Variants in DOT1L observed in about 807,000 individuals in gnomAD.
The protein encoded by DOT1L is histone-lysine N-methyltransferase, H3 lysine-79 specific.
Under a neutral mutation model 153.3 loss-of-function variants are expected in DOT1L, and 33 were observed. The observed-to-expected ratio is 0.22, with a 90% CI of 0.16 to 0.29. DOT1L has a LOEUF of 0.29. Ranked by LOEUF, DOT1L falls within the 10% of genes least tolerant of loss-of-function variation. The pLI, the probability that DOT1L is intolerant of heterozygous loss-of-function variation, is 1.00. For synonymous variants in DOT1L, 1,135 were observed against 965.1 expected (o/e 1.18, Z -3.26); for missense variants, 1,847 against 2,119.9 (o/e 0.87, Z 2.53).
At chr19:2,170,946 C>T (rs571016528) in intron 1 of DOT1L, among the ~76,000 whole-genome samples, 1 of 152,244 alleles carries the variant, frequency 6.6e-6, no homozygotes, top group South Asian at 2.1e-4. Context: ...CTCCCAGAAC[C>T]TGTCCTTTAG....
intron 1 of DOT1L, among the ~76,000 whole-genome samples, chr19:2,167,034 A>T (rs753712583): frequency 6.6e-6 from 1 of 151,874 alleles, no homozygotes; most frequent in African/African-American, 2.4e-5. Context: ...AAGTTACCCC[A>T]TTTTTTTGCT....
At chr19:2,175,144 G>A (rs935081189) in intron 1 of DOT1L, among the ~76,000 whole-genome samples, 23 of 151,746 alleles carry the variant, frequency 1.5e-4, no homozygotes, top group African/African-American at 4.4e-4. Flanking sequence ...GACTACAGGC[G>A]CCCACCACCA....
intron 27 of DOT1L, chr19:2,228,320 G>C (rs756530534): frequency 8.9e-6 from 12 of 1,340,976 alleles, no homozygotes; most frequent in East Asian, 4.6e-5. Context: ...CCTATGCCGC[G>C]CACCTTTCGG....
intron 25 of DOT1L, 101 bp from the exon 26 acceptor site, chr19:2,225,287 T>A: frequency 8.3e-7 from 1 of 1,205,406 alleles, no homozygotes; most frequent in Non-Finnish European, 1.2e-6. Flanking sequence ...TGCTTCTCGT[T>A]CACCACCTCC....
chr19:2,169,781 TATTA>T (rs2020058113), intron 1 of DOT1L, among the ~76,000 whole-genome samples: 1 of 152,208 alleles, frequency 6.6e-6, no homozygotes, highest in African/African-American at 2.4e-5. Flanking sequence ...GCTCCACTTA[TATTA>T]ATTTTGCTCC....
intron 1 of DOT1L, among the ~76,000 whole-genome samples, chr19:2,176,928 G>A (rs2021967811): frequency 6.6e-6 from 1 of 152,178 alleles, no homozygotes; most frequent in South Asian, 2.1e-4. Context: ...CAGTGAGCAG[G>A]AGGAAAGGGG....
intron 1 of DOT1L, among the ~76,000 whole-genome samples, chr19:2,179,913 C>A (rs1396220379): frequency 6.6e-6 from 1 of 152,122 alleles, no homozygotes; most frequent in Non-Finnish European, 1.5e-5. Context: ...AGCACAGTAG[C>A]ACGCAGACGC....
rs755852805 is a variant in DOT1L at position 2,220,211 on chromosome 19, T to C, written c.2795T>C (p.Leu932Pro). ...AHGAGSRSLALAPAGFSYAGS... is the reference protein window; with the variant it reads ...AHGAGSRSLAPAPAGFSYAGS... Reference sequence around the variant, plus strand: ...GGTGCTGGGAGCAGAAGCCTTGCCCTGGCCCCCGCAGGTAACGCCCCTCCT... The same window carrying C: ...GGTGCTGGGAGCAGAAGCCTTGCCCCGGCCCCCGCAGGTAACGCCCCTCCT... Residue 932 changes from leucine (L) to proline (P), a missense_variant, in exon 23 of 28, where the codon CTG (leucine) becomes CCG (proline). Coordinates refer to ENST00000398665, the MANE Select transcript of DOT1L (RefSeq NM_032482.3). The surrounding 1 kb of genome is among the most constrained non-coding windows in gnomAD (Gnocchi z 4.5). 1.9e-6 allele frequency: 3 copies of C among 1,613,264 alleles called. No individual in the cohort carries two copies. Among genetic ancestry groups the C allele is most frequent in the East Asian group, 4.5e-5 (2 of 44,870 alleles).
chr19:2,184,713 C>T (rs1043387008), intron 2 of DOT1L, among the ~76,000 whole-genome samples: 10 of 152,144 alleles, frequency 6.6e-5, no homozygotes, highest in African/African-American at 9.7e-5. Context: ...CTGATGGCAC[C>T]GAATGCCGTC....
Position 2,193,675 on chromosome 19 carries a change from C to T in DOT1L, c.494-14C>T, listed in dbSNP as rs745773530. 87 of 1,612,870 alleles carry T rather than the reference C, an allele frequency of 5.4e-5. 1 individual carries two copies. In the South Asian group the frequency reaches 9.1e-4, roughly 17 times the overall value. Reference sequence around the variant, plus strand: ...GAGCGCTGTGTGGTATCTGATGGATCTCTCTGATCATAGGTGTGGGCCAGG... The same window carrying T: ...GAGCGCTGTGTGGTATCTGATGGATTTCTCTGATCATAGGTGTGGGCCAGG... On this transcript the variant is annotated splice_polypyrimidine_tract_variant and intron_variant, in intron 5 of 27. Coordinates refer to ENST00000398665, the MANE Select transcript of DOT1L (RefSeq NM_032482.3). The surrounding 1 kb of genome is among the most constrained non-coding windows in gnomAD (Gnocchi z 5.9).
At chr19:2,170,377 C>T (rs1014533499) in intron 1 of DOT1L, among the ~76,000 whole-genome samples, 2 of 152,184 alleles carry the variant, frequency 1.3e-5, no homozygotes, top group African/African-American at 4.8e-5. Flanking sequence ...TCACTGGGCA[C>T]GGACTGCTTG....
At chr19:2,228,215 G>C in intron 27 of DOT1L, 1 of 1,363,680 alleles carries the variant, frequency 7.3e-7, no homozygotes, top group Non-Finnish European at 9.8e-7. Context: ...ACCAGCCCCT[G>C]CCCCGGCTGG....
At chr19:2,178,415 A>ATT (rs1174458033) in intron 1 of DOT1L, among the ~76,000 whole-genome samples, 97 of 128,342 alleles carry the variant, frequency 7.6e-4, no homozygotes, top group African/African-American at 1.6e-3. Flanking sequence ...TCACTTTGAA[A>ATT]TTTTTTTTTT....
intron 7 of DOT1L, among the ~76,000 whole-genome samples, chr19:2,195,839 A>C (rs936868027): frequency 2.0e-5 from 3 of 152,216 alleles, no homozygotes; most frequent in African/African-American, 7.2e-5. Flanking sequence ...GAAGCAACAG[A>C]AACAAAGTGT....
chr19:2,166,583 G>A (rs2019931790), intron 1 of DOT1L, among the ~76,000 whole-genome samples: 1 of 151,820 alleles, frequency 6.6e-6, no homozygotes, highest in African/African-American at 2.4e-5. Flanking sequence ...GGCTAATTTT[G>A]TATTTTTAGT....
intron 2 of DOT1L, among the ~76,000 whole-genome samples, chr19:2,184,142 T>TG (rs1163847593): frequency 2.6e-5 from 4 of 152,094 alleles, no homozygotes; most frequent in Non-Finnish European, 4.4e-5. Flanking sequence ...CTTGCCGAGT[T>TG]GCGCTGGCCG....
intron 1 of DOT1L, among the ~76,000 whole-genome samples, chr19:2,171,611 C>T (rs1056556623): frequency 3.3e-5 from 5 of 152,174 alleles, no homozygotes; most frequent in African/African-American, 7.2e-5. Flanking sequence ...TCCCGGGCAC[C>T]GACCGCCGCC....
At position 2,217,193 on chromosome 19, in the gene DOT1L, G is replaced by A. The variant is rs771471830; in HGVS notation, c.2544+103G>A. The A allele has an allele frequency of 1.3e-5, 18 of 1,425,128 alleles. No homozygotes were observed. The highest frequency in any genetic ancestry group is 4.3e-5 in the African/African-American group (3 of 69,886). 88.3% of individuals were successfully genotyped at this position (1,425,128 alleles called of 1,614,324 possible). A position where few individuals can be genotyped will look rare whatever the true frequency, so the allele number is the denominator to read the frequency against. ...CTTGTCCTAGTTGACCTTGGGGCAC[G>A]GTGAGGTACTGGGGCTGACCTGGAG... On this transcript the variant is annotated intron_variant, in intron 21 of 27. Coordinates refer to ENST00000398665, the MANE Select transcript of DOT1L (RefSeq NM_032482.3). This position sits in a 1 kb window ranked among gnomAD's most constrained non-coding sequence, Gnocchi z 7.3.
Position 2,222,627 on chromosome 19 carries a change from G to A in DOT1L, c.3390+68G>A, listed in dbSNP as rs1051519505. 2.0e-5 allele frequency: 28 copies of A among 1,427,214 alleles called. No individual in the cohort carries two copies. Among genetic ancestry groups the A allele is most frequent in the African/African-American group, 7.1e-5 (5 of 69,936 alleles). The allele number at this position is 1,427,214 out of a possible 1,614,324, so 88.4% of individuals were successfully genotyped here. A position where few individuals can be genotyped will look rare whatever the true frequency, so the allele number is the denominator to read the frequency against. On this transcript the variant is annotated intron_variant, in intron 24 of 27. Coordinates refer to ENST00000398665, the MANE Select transcript of DOT1L (RefSeq NM_032482.3). The surrounding 1 kb of genome is among the most constrained non-coding windows in gnomAD (Gnocchi z 6.5). The stretch of plus-strand genomic sequence containing the variant: ...AAGAAAGACCAGAGGGAGACCGGGC[G>A]CGGTGGCTCACGCCTGTAATCCCAG...
Sources: gnomAD v4.1 joint callset for allele counts (sites outside exome capture counted in the v4.1 genomes callset) on GRCh38, gnomAD v4.1.1 for gene constraint, Gnocchi (gnomAD v3.1) non-coding constraint, MANE v1.5 for transcripts, NCBI Gene and HGNC (gene_info 2026-07-23, HGNC 2026-07-21) for gene names.